ZFP91: variants seen among roughly 807,000 people sequenced by gnomAD.
ZFP91 encodes the protein E3 ubiquitin-protein ligase ZFP91.
ZFP91 carries 7 observed loss-of-function variants against 63.5 expected under a neutral mutation model. The ratio of observed to expected loss-of-function variants is 0.11; its 90% CI spans 0.06 to 0.21. ZFP91 has a LOEUF of 0.21. Among genes scored for constraint, ZFP91 ranks in the 10% least tolerant of loss-of-function variants. The pLI is 1.00. For missense variants in ZFP91, 628 were observed against 736.6 expected, an observed-to-expected ratio of 0.85 and a Z score of 1.71; for synonymous variants, 330 against 272.1, an observed-to-expected ratio of 1.21 and a Z score of -2.10.
chr11:58,606,526 G>A (rs541232212), intron 2 of ZFP91, among the ~76,000 whole-genome samples: 1 of 151,812 alleles, frequency 6.6e-6, no homozygotes, highest in Non-Finnish European at 1.5e-5. Context: ...TTTTAGATTC[G>A]GGGGTACATG....
rs1161804260 is a variant in ZFP91, at chr11:58,609,899, G to C, written c.440G>C (p.Arg147Thr). Residue 147 changes from arginine to threonine, a missense_variant, in exon 3 of 11, where the codon AGA (arginine) becomes ACA (threonine). Coordinates refer to ENST00000316059, the MANE Select transcript of ZFP91 (RefSeq NM_053023.5). The stretch of plus-strand genomic sequence containing the variant: ...CAGGAAGTTTCCATTGCTGCATCTA[G>C]ACCTAGCCGGGGCTGGCGTAGTAGT... ...LPQEVSIAAS[R>T]PSRGWRSSRT... 1 of 1,614,192 alleles carries C rather than the reference G, an allele frequency of 6.2e-7. No homozygotes were observed. Among genetic ancestry groups the C allele is most frequent in the East Asian group, 2.2e-5 (1 of 44,880 alleles).
At chr11:58,582,390 A>G (rs1855133214) in intron 1 of ZFP91, among the ~76,000 whole-genome samples, 1 of 152,220 alleles carries the variant, frequency 6.6e-6, no homozygotes, top group Non-Finnish European at 1.5e-5. Flanking sequence ...TGAAAATTTT[A>G]AAAAGGAAGG....
rs1855679008 is a variant in ZFP91 at position 58,612,336 on chromosome 11, ATTTTTACCCCTACTG to A, written c.908+13_908+27del. ...ACGTTTACCCAAAAGGAGGTGAGGA[ATTTTTACCCCTACTG>A]TTTTACACCTTATTCCAGTACCAGG... On this transcript the variant is annotated intron_variant, in intron 7 of 10. Transcript: ENST00000316059. 1 of 1,613,308 alleles carries A rather than the reference ATTTTTACCCCTACTG, an allele frequency of 6.2e-7. No homozygotes were observed. The highest frequency in any genetic ancestry group is 1.1e-5 in the South Asian group (1 of 91,040).
chr11:58,619,388 C>G lies in ZFP91; in HGVS notation c.*1682C>G, dbSNP rs1855808719. The G allele has an allele frequency of 6.6e-6, 1 of 152,108 alleles. No individual in the cohort carries two copies. 9.4% of individuals were successfully genotyped at this position (152,108 alleles called of 1,614,324 possible). A position where few individuals can be genotyped will look rare whatever the true frequency, so the allele number is the denominator to read the frequency against. On this transcript the variant is annotated 3_prime_UTR_variant, in exon 11 of 11. Coordinates refer to ENST00000316059, the MANE Select transcript of ZFP91 (RefSeq NM_053023.5). ...CTTCAGGTAAAGAGTAATTCCTATCCTGTGTGCCTCAGAAGCTAGAATCGA... is the reference window on the plus strand; with the variant it reads ...CTTCAGGTAAAGAGTAATTCCTATCGTGTGTGCCTCAGAAGCTAGAATCGA...
rs1554959256 is a variant in ZFP91 at position 58,617,096 on chromosome 11, G to GTA, written c.1203-99_1203-98insAT. 7 of 1,011,986 alleles carry GTA rather than the reference G, an allele frequency of 6.9e-6. No individual in the cohort carries two copies. The highest frequency in any genetic ancestry group is 6.5e-5 in the South Asian group (4 of 61,682). The allele number at this position is 1,011,986 out of a possible 1,614,324, so 62.7% of individuals were successfully genotyped here. ...TGTGTGTGTGTGTGTGTGTGTGTGT[G>GTA]TGTATGTATATATATGCTCTAAACT... On this transcript the variant is annotated intron_variant, in intron 10 of 10. Transcript: ENST00000316059. This position sits in a 1 kb window ranked among gnomAD's most constrained non-coding sequence, Gnocchi z 4.2.
At chr11:58,615,962 C>A (rs1412903583) in intron 9 of ZFP91, among the ~76,000 whole-genome samples, 1 of 152,174 alleles carries the variant, frequency 6.6e-6, no homozygotes, top group Non-Finnish European at 1.5e-5. Context: ...TGTGCACGGG[C>A]TTCCCAAACA....
At chr11:58,582,431 A>G (rs185915750) in intron 1 of ZFP91, among the ~76,000 whole-genome samples, 1 of 152,356 alleles carries the variant, frequency 6.6e-6, no homozygotes, top group Admixed American at 6.5e-5. Context: ...TGTTCGCGCT[A>G]GTCCTTTTTC....
At position 58,594,698 on chromosome 11, in the gene ZFP91, A is replaced by G. The variant is rs1053806125; in HGVS notation, c.370+9814A>G. ...AAACATATGTAGATGGAGTAAACAG[A>G]GATGACTAGAATAAGAAAGAAAAAT... On this transcript the variant is annotated intron_variant, in intron 2 of 10. Transcript: ENST00000316059. Among the ~76,000 whole-genome samples, 11 of 152,246 alleles carry G rather than the reference A, an allele frequency of 7.2e-5. No individual in the cohort carries two copies. The East Asian group carries it at 1.2e-3, about 16-fold the overall frequency.
Position 58,619,573 on chromosome 11 carries a change from A to T in ZFP91, c.*1867A>T, listed in dbSNP as rs963597418. ...TTTTCCCAAAAAGAGGAGTAACAAA[A>T]TGTCATTTCTGAAAGAGGCTTACTT... On this transcript the variant is annotated 3_prime_UTR_variant, in exon 11 of 11. Transcript: ENST00000316059. 6.6e-6 allele frequency: 1 copy of T among 152,644 alleles called. No homozygotes were observed. The highest frequency in any genetic ancestry group is 2.1e-4 in the South Asian group (1 of 4,834). 9.5% of individuals were successfully genotyped at this position (152,644 alleles called of 1,614,324 possible).
chr11:58,598,640 A>C lies in ZFP91; in HGVS notation c.371-11190A>C, dbSNP rs533565921. 1.5e-4 allele frequency among the ~76,000 whole-genome samples: 23 copies of C among 152,186 alleles called. No individual in the cohort carries two copies. In the South Asian group the frequency reaches 1.7e-3, roughly 11 times the overall value. On this transcript the variant is annotated intron_variant, in intron 2 of 10. Coordinates refer to ENST00000316059, the MANE Select transcript of ZFP91 (RefSeq NM_053023.5). ...GGAAATTGTCTTTGAAGTACCACAC[A>C]GAAGAAACTTGGCTTGTTTCCTATC...
At chr11:58,609,215 G>A (rs1401046885) in intron 2 of ZFP91, among the ~76,000 whole-genome samples, 1 of 152,074 alleles carries the variant, frequency 6.6e-6, no homozygotes, top group Non-Finnish European at 1.5e-5. Flanking sequence ...ACAAAATATA[G>A]GATAACAATA....
At chr11:58,595,569 A>C (rs1170104994) in intron 2 of ZFP91, among the ~76,000 whole-genome samples, 1 of 134,142 alleles carries the variant, frequency 7.5e-6, no homozygotes, top group Non-Finnish European at 1.6e-5. Flanking sequence ...CAGTAGTATC[A>C]ATCTTTTTTT....
At position 58,612,788 on chromosome 11, in the gene ZFP91, G is replaced by A; in HGVS notation, c.935G>A (p.Arg312His). Residue 312 changes from arginine to histidine, a missense_variant, in exon 8 of 11, where the codon CGT (arginine) becomes CAT (histidine). By Grantham distance (29) the Arg-to-His change is conservative. Around this residue, in one of 3 missense-constraint regions of ZFP91, gnomAD observed 76 missense variants for 230.9 expected, o/e 0.33. Coordinates refer to ENST00000316059, the MANE Select transcript of ZFP91 (RefSeq NM_053023.5). ...AAAAAGCCTCCAATCCAGTATGTCCGTTGTGAGATGGAAGGATGTGGAACT... is the reference window on the plus strand; with the variant it reads ...AAAAAGCCTCCAATCCAGTATGTCCATTGTGAGATGGAAGGATGTGGAACT... ...RRKKPPIQYV[R>H]CEMEGCGTVL... The A allele has an allele frequency of 6.2e-7, 1 of 1,610,856 alleles. No homozygotes were observed.
chr11:58,603,282 A>G (rs1309296038), intron 2 of ZFP91, among the ~76,000 whole-genome samples: 1 of 152,186 alleles, frequency 6.6e-6, no homozygotes, highest in African/African-American at 2.4e-5. Flanking sequence ...AAATTGAGGA[A>G]TGAATTGTTT....
At position 58,619,161 on chromosome 11, in the gene ZFP91, G is replaced by C. The variant is rs1031540991; in HGVS notation, c.*1455G>C. On this transcript the variant is annotated 3_prime_UTR_variant, in exon 11 of 11. Coordinates refer to ENST00000316059, the MANE Select transcript of ZFP91 (RefSeq NM_053023.5). ...TTTCCCCTTTAGTAACACTTCTGAA[G>C]AGGAAAAACTTCAATAGCCAAAGTT... is the stretch of plus-strand genomic sequence containing the variant. 1 of 153,084 alleles carries C rather than the reference G, an allele frequency of 6.5e-6. No homozygotes were observed. The highest frequency in any genetic ancestry group is 6.5e-5 in the Admixed American group (1 of 15,300). 9.5% of individuals were successfully genotyped at this position (153,084 alleles called of 1,614,324 possible). A position where few individuals can be genotyped will look rare whatever the true frequency, so the allele number is the denominator to read the frequency against.
chr11:58,579,272 A>G lies in ZFP91; in HGVS notation c.-10A>G. ...CCTAGGACTAGGGGGTGGGGGACGG[A>G]CAAGCCCCGATGCCGGGGGAGACGG... On this transcript the variant is annotated 5_prime_UTR_variant, in exon 1 of 11. Coordinates refer to ENST00000316059, the MANE Select transcript of ZFP91 (RefSeq NM_053023.5). 7.0e-7 allele frequency: 1 copy of G among 1,435,184 alleles called. No homozygotes were observed. The highest frequency in any genetic ancestry group is 9.1e-7 in the Non-Finnish European group (1 of 1,103,880). 88.9% of individuals were successfully genotyped at this position (1,435,184 alleles called of 1,614,324 possible). A position where few individuals can be genotyped will look rare whatever the true frequency, so the allele number is the denominator to read the frequency against.
rs972119364 is a variant in ZFP91 at position 58,579,331 on chromosome 11, A to G, written c.50A>G (p.Glu17Gly). 1.7e-5 allele frequency: 26 copies of G among 1,494,016 alleles called. No homozygotes were observed. The African/African-American group carries it at 3.8e-4, about 22-fold the overall frequency. 92.5% of individuals were successfully genotyped at this position (1,494,016 alleles called of 1,614,324 possible). The part of the protein sequence containing the change: ...EPRPPEQQDQ[E>G]GGEAAKAAPE... ...AGACCCCCGGAGCAGCAGGACCAGG[A>G]AGGGGGAGAGGCGGCCAAGGCGGCT... Residue 17 changes from glutamate (E) to glycine (G), a missense_variant, in exon 1 of 11, where the codon GAA becomes GGA. Coordinates refer to ENST00000316059, the MANE Select transcript of ZFP91 (RefSeq NM_053023.5).
rs1855787587 is a variant in ZFP91 at position 58,618,362 on chromosome 11, C to T, written c.*656C>T. On this transcript the variant is annotated 3_prime_UTR_variant, in exon 11 of 11. Transcript: ENST00000316059. Reference sequence around the variant, plus strand: ...CCAGCATCTCAGTCCCCCTCCCAACCCTCCATATGGCTCTCAATGGTGCTC... The same window carrying T: ...CCAGCATCTCAGTCCCCCTCCCAACTCTCCATATGGCTCTCAATGGTGCTC... 4.5e-6 allele frequency: 1 copy of T among 220,454 alleles called. No individual in the cohort carries two copies. The highest frequency in any genetic ancestry group is 5.6e-5 in the Admixed American group (1 of 17,952). 13.7% of individuals were successfully genotyped at this position (220,454 alleles called of 1,614,324 possible).
Position 58,615,721 on chromosome 11 carries a change from A to G in ZFP91, c.1103-995A>G, listed in dbSNP as rs552226315. The stretch of plus-strand genomic sequence containing the variant: ...GACATCATTTGGGTTCTTATTAGAG[A>G]TACAGAATCTCAGGCCCTGCTTCAG... On this transcript the variant is annotated intron_variant, in intron 9 of 10. Coordinates refer to ENST00000316059, the MANE Select transcript of ZFP91 (RefSeq NM_053023.5). Among the ~76,000 whole-genome samples the G allele has an allele frequency of 1.4e-4, 21 of 152,306 alleles. No individual in the cohort carries two copies. In the South Asian group the frequency reaches 3.9e-3, roughly 29 times the overall value.
Sources: gnomAD v4.1 joint callset for allele counts (sites outside exome capture counted in the v4.1 genomes callset) on GRCh38, gnomAD v4.1.1 for gene constraint, gnomAD v4.1.1 regional missense constraint, Gnocchi (gnomAD v3.1) non-coding constraint, MANE v1.5 for transcripts, NCBI Gene and HGNC (gene_info 2026-07-23, HGNC 2026-07-21) for gene names.